ZCCHC10: variants seen among roughly 807,000 people sequenced by gnomAD.
The protein encoded by ZCCHC10 is zinc finger CCHC domain-containing protein 10.
A neutral mutation model predicts 19.5 loss-of-function variants in ZCCHC10; 16 were observed. The ratio of observed to expected loss-of-function variants is 0.82; its 90% CI spans 0.56 to 1.25. ZCCHC10 has a LOEUF of 1.25. Among genes scored for constraint, ZCCHC10 ranks in the 50% most tolerant of loss-of-function variants. ZCCHC10 has a pLI of 0.00. For missense variants in ZCCHC10, 197 were observed against 201.0 expected (o/e 0.98, Z 0.12); for synonymous variants, 67 against 72.5 (o/e 0.92, Z 0.38).
Position 132,998,833 on chromosome 5 carries a change from C to G in ZCCHC10, c.329G>C (p.Ser110Thr), listed in dbSNP as rs376189442. The G allele has an allele frequency of 6.2e-7, 1 of 1,614,130 alleles. No individual in the cohort carries two copies. Among genetic ancestry groups the G allele is most frequent in the South Asian group, 1.1e-5 (1 of 91,070 alleles). The change falls in exon 5 of 5, where the codon AGT becomes ACT. Residue 110 changes from serine to threonine, a missense_variant. Physicochemically the swap from Ser to Thr is moderately conservative, Grantham distance 58 (BLOSUM62 1). Coordinates refer to ENST00000509437, the MANE Select transcript of ZCCHC10 (RefSeq NM_001300816.3). The stretch of plus-strand genomic sequence containing the variant: ...ACTGTCACTGCTACTGCTACTGGAA[C>G]TGGTTACACTCTTAGACCTATTAGA... ...AKKKRSKSVTSSSSSSSDSSA... is the reference protein window; with the variant it reads ...AKKKRSKSVTTSSSSSSDSSA...
In ZCCHC10 at chr5:133,002,031, G is replaced by A. The variant is rs183209503; in HGVS notation, c.270-1858C>T. Among the ~76,000 whole-genome samples, 208 of 123,024 alleles carry A rather than the reference G, an allele frequency of 1.7e-3. 1 individual carries two copies. The highest frequency in any genetic ancestry group is 6.7e-3 in the African/African-American group (199 of 29,642). The allele number at this position is 123,024 out of a possible 152,430, so 80.7% of individuals were successfully genotyped here. A position where few individuals can be genotyped will look rare whatever the true frequency, so the allele number is the denominator to read the frequency against. On this transcript the variant is annotated intron_variant, in intron 3 of 4. Transcript: ENST00000509437. Reference sequence around the variant, plus strand: ...AGGCAGGAGTGCAGTGCTGGATCTCGGCTCACTGCAAGCTCCACCTCCCGG... The same window carrying A: ...AGGCAGGAGTGCAGTGCTGGATCTCAGCTCACTGCAAGCTCCACCTCCCGG...
At chr5:133,019,577 T>C (rs1447568418) in intron 2 of ZCCHC10, among the ~76,000 whole-genome samples, 2 of 152,176 alleles carry the variant, frequency 1.3e-5, no homozygotes, top group Non-Finnish European at 2.9e-5. Flanking sequence ...ATAGCCACTC[T>C]GTAAATGGAC....
intron 2 of ZCCHC10, among the ~76,000 whole-genome samples, chr5:133,010,293 C>T (rs1763413794): frequency 6.6e-6 from 1 of 152,102 alleles, no homozygotes; most frequent in Non-Finnish European, 1.5e-5. Context: ...AGGCAATCCA[C>T]TTGCCTCAGC....
intron 2 of ZCCHC10, among the ~76,000 whole-genome samples, chr5:133,021,680 A>G (rs1299364639): frequency 1.3e-5 from 2 of 152,228 alleles, no homozygotes; most frequent in Non-Finnish European, 2.9e-5. Flanking sequence ...ATGAAGCTAC[A>G]GTAATCATGA....
At chr5:132,999,341 A>G (rs983419334) in intron 4 of ZCCHC10, among the ~76,000 whole-genome samples, 1 of 152,202 alleles carries the variant, frequency 6.6e-6, no homozygotes, top group Non-Finnish European at 1.5e-5. Flanking sequence ...CTCTCTTTAC[A>G]AGGCATTGTT....
chr5:133,025,459 G>C (rs1457680694), intron 1 of ZCCHC10, among the ~76,000 whole-genome samples: 1 of 127,650 alleles, frequency 7.8e-6, no homozygotes, highest in African/African-American at 3.0e-5. Context: ...AGCCAAGATT[G>C]CACCTCTGCA....
intron 3 of ZCCHC10, among the ~76,000 whole-genome samples, chr5:133,004,260 C>T (rs1027275257): frequency 6.0e-5 from 9 of 151,246 alleles, no homozygotes; most frequent in African/African-American, 1.2e-4. Context: ...CCACAACCTC[C>T]GCCTCCCGGG....
intron 1 of ZCCHC10, among the ~76,000 whole-genome samples, chr5:133,024,910 A>C (rs746442756): frequency 3.3e-5 from 5 of 152,038 alleles, no homozygotes; most frequent in Non-Finnish European, 5.9e-5. Flanking sequence ...CTAAAAAAAA[A>C]ACAAAAAAAA....
chr5:133,012,414 G>C (rs1763615086), intron 2 of ZCCHC10, among the ~76,000 whole-genome samples: 1 of 151,076 alleles, frequency 6.6e-6, no homozygotes, highest in Admixed American at 6.6e-5. Flanking sequence ...GTTGCAGTGA[G>C]TCAAGATCAC....
intron 2 of ZCCHC10, among the ~76,000 whole-genome samples, chr5:133,009,195 G>A (rs1018047109): frequency 6.6e-6 from 1 of 151,814 alleles, no homozygotes; most frequent in Non-Finnish European, 1.5e-5. Flanking sequence ...TAGAGGTGGG[G>A]TTTTGCCATG....
chr5:133,016,129 T>G (rs1379518095), intron 2 of ZCCHC10, among the ~76,000 whole-genome samples: 1 of 152,186 alleles, frequency 6.6e-6, no homozygotes, highest in Non-Finnish European at 1.5e-5. Flanking sequence ...TAGGCTCAGT[T>G]TGTATTTTCC....
intron 3 of ZCCHC10, among the ~76,000 whole-genome samples, chr5:133,001,829 C>T (rs551401509): frequency 6.6e-6 from 1 of 151,658 alleles, no homozygotes; most frequent in Admixed American, 6.6e-5. Context: ...AGTCTCCAAA[C>T]ATAAACATGT....
At chr5:133,019,078 A>G (rs1466782342) in intron 2 of ZCCHC10, 4 of 452,098 alleles carry the variant, frequency 8.8e-6, no homozygotes, top group Non-Finnish European at 1.3e-5. Context: ...ACATTCACAA[A>G]TATCATCTAA....
At chr5:133,019,016 TA>T (rs1764111644) in intron 2 of ZCCHC10, 1 of 438,666 alleles carries the variant, frequency 2.3e-6, no homozygotes, top group Admixed American at 2.6e-5. Flanking sequence ...CCCTAGTCAT[TA>T]AAAATATCCA....
intron 2 of ZCCHC10, among the ~76,000 whole-genome samples, chr5:133,007,807 T>C (rs181931331): frequency 1.7e-4 from 26 of 152,270 alleles, no homozygotes; most frequent in African/African-American, 5.5e-4. Flanking sequence ...GAAGTTAAGA[T>C]ACAGTTGAAT....
At chr5:133,004,537 G>C (rs1762984878) in intron 3 of ZCCHC10, among the ~76,000 whole-genome samples, 1 of 152,056 alleles carries the variant, frequency 6.6e-6, no homozygotes, top group African/African-American at 2.4e-5. Flanking sequence ...ACCCGGGCTA[G>C]AGTGCAGTGG....
chr5:133,001,465 CTTT>C (rs1006324617), intron 3 of ZCCHC10, among the ~76,000 whole-genome samples: 1 of 149,762 alleles, frequency 6.7e-6, no homozygotes, highest in African/African-American at 2.5e-5. Flanking sequence ...GTAAATTTAA[CTTT>C]TTTTTTTCTT....
chr5:133,018,144 C>CAA (rs10602241), intron 2 of ZCCHC10, among the ~76,000 whole-genome samples: 7 of 96,348 alleles, frequency 7.3e-5, no homozygotes, highest in Middle Eastern at 6.7e-3. Flanking sequence ...GAATCTGTCT[C>CAA]AAAAAAAAAA....
At chr5:133,011,081 C>T (rs188966916) in intron 2 of ZCCHC10, among the ~76,000 whole-genome samples, 107 of 151,898 alleles carry the variant, frequency 7.0e-4, no homozygotes, top group African/African-American at 2.1e-3. Context: ...TGTGAGCCAC[C>T]GCACCTGGCT....
Sources: allele counts gnomAD v4.1 joint callset (sites outside exome capture counted in the v4.1 genomes callset), GRCh38; gene constraint gnomAD v4.1.1; transcripts MANE v1.5; gene names NCBI Gene and HGNC (gene_info 2026-07-23, HGNC 2026-07-21).